Variants in ACOX3 observed in about 807,000 individuals in gnomAD.
ACOX3 encodes the protein peroxisomal acyl-coenzyme A oxidase 3.
Under a neutral mutation model 81.5 loss-of-function variants are expected in ACOX3, and 73 were observed. The ratio of observed to expected loss-of-function variants is 0.90; its 90% CI spans 0.74 to 1.09. The LOEUF is 1.09. Ranked by LOEUF, ACOX3 falls within the 50% of genes least tolerant of loss-of-function variation. ACOX3 has a pLI of 0.00. For missense variants in ACOX3, 947 were observed against 928.0 expected (o/e 1.02, Z -0.27); for synonymous variants, 387 against 375.1 (o/e 1.03, Z -0.37).
intron 17 of ACOX3, among the ~76,000 whole-genome samples, chr4:8,369,516 G>A (rs771997106): frequency 6.6e-6 from 1 of 152,132 alleles, no homozygotes; most frequent in African/African-American, 2.4e-5. Flanking sequence ...GTCAGTCCCC[G>A]ATGCAGGACA....
In ACOX3 at chr4:8,368,407, T is replaced by C. The variant is rs959966825; in HGVS notation, c.1984-1327A>G. Among the ~76,000 whole-genome samples the C allele has an allele frequency of 6.6e-6, 1 of 152,186 alleles. No homozygotes were observed. Among genetic ancestry groups the C allele is most frequent in the Non-Finnish European group, 1.5e-5 (1 of 68,028 alleles). ...GGGTGGAAAGGGGCAGCCCAGACCA[T>C]CTCCAGGGCCTGGGGAGGTGGTCTA... On this transcript the variant is annotated intron_variant, in intron 17 of 17. Transcript: ENST00000356406. The surrounding 1 kb of genome is among the most constrained non-coding windows in gnomAD (Gnocchi z 5.9).
At chr4:8,356,593 T>C in the ACOX3 span, 2 of 456,544 alleles carry the variant, frequency 4.4e-6, no homozygotes, top group African/African-American at 4.0e-5. Flanking sequence ...GAAGAAAGTG[T>C]GCAGAATGGT....
intron 11 of ACOX3, 44 bp downstream of exon 11, chr4:8,392,289 A>G (rs1358602910): frequency 7.1e-7 from 1 of 1,415,400 alleles, no homozygotes; most frequent in East Asian, 2.7e-5. Context: ...GTCAAACAGC[A>G]GGGCTAAGGA....
intron 14 of ACOX3, among the ~76,000 whole-genome samples, chr4:8,376,923 C>T (rs1717038205): frequency 6.6e-6 from 1 of 152,028 alleles, no homozygotes; most frequent in African/African-American, 2.4e-5. Flanking sequence ...CCCTCAGGCT[C>T]CCACCTGAGG....
Position 8,381,770 on chromosome 4 carries a change from C to T in ACOX3, c.1538-163G>A, listed in dbSNP as rs926008639. On this transcript the variant is annotated intron_variant, in intron 13 of 17. Transcript: ENST00000356406. The surrounding 1 kb of genome is among the most constrained non-coding windows in gnomAD (Gnocchi z 4.3). ...GGGTCTGATTTTATAGGTAGGGAAA[C>T]TGAAGCACAGGGAGGGCACCTGCCC... Among the ~76,000 whole-genome samples, 1 of 152,202 alleles carries T rather than the reference C, an allele frequency of 6.6e-6. No homozygotes were observed. Among genetic ancestry groups the T allele is most frequent in the African/African-American group, 2.4e-5 (1 of 41,458 alleles).
chr4:8,393,044 T>G (rs1181759197), intron 10 of ACOX3: 1 of 151,834 alleles, frequency 6.6e-6, no homozygotes, highest in Non-Finnish European at 1.5e-5. Context: ...TGAATGAGCC[T>G]GATCTCGTGA....
Position 8,410,336 on chromosome 4 carries a change from G to C in ACOX3, c.563C>G (p.Pro188Arg). 2.5e-6 allele frequency: 4 copies of C among 1,614,052 alleles called. No homozygotes were observed. The highest frequency in any genetic ancestry group is 2.5e-6 in the Non-Finnish European group (3 of 1,179,944). ...PATEEFIIHSPDFEAAKFWVG... is the reference protein window; with the variant it reads ...PATEEFIIHSRDFEAAKFWVG... ...CCAAAACTTGGCAGCTTCGAAATCAGGGGAATGTATGATGAATTCCTGCAC... is the reference window on the plus strand; with the variant it reads ...CCAAAACTTGGCAGCTTCGAAATCACGGGAATGTATGATGAATTCCTGCAC... The change falls in exon 6 of 18, where the codon CCT becomes CGT. Residue 188 changes from proline (P) to arginine (R), a missense_variant. Physicochemically the swap from Pro to Arg is moderately radical, Grantham distance 103 (BLOSUM62 -2). Coordinates refer to ENST00000356406, the MANE Select transcript of ACOX3 (RefSeq NM_003501.3).
Position 8,405,819 on chromosome 4 carries a change from G to A in ACOX3, c.776+136C>T, listed in dbSNP as rs1309118463. On this transcript the variant is annotated intron_variant, in intron 7 of 17. Transcript: ENST00000356406. The surrounding 1 kb of genome is among the most constrained non-coding windows in gnomAD (Gnocchi z 7.1). ...TGGCCAGTGCATGCACGGGGGCTAG[G>A]CGTAGGTCCCCACCGCATTTGAGTC... 1.1e-6 allele frequency: 1 copy of A among 886,332 alleles called. No individual in the cohort carries two copies. The highest frequency in any genetic ancestry group is 2.4e-5 in the East Asian group (1 of 41,432). 54.9% of individuals were successfully genotyped at this position (886,332 alleles called of 1,614,324 possible). A position where few individuals can be genotyped will look rare whatever the true frequency, so the allele number is the denominator to read the frequency against.
At chr4:8,391,031 G>GTGTATATGTATATGTATA (rs57021460) in intron 11 of ACOX3, among the ~76,000 whole-genome samples, 7,702 of 148,160 alleles carry the variant, frequency 0.052, 239 homozygotes, top group South Asian at 0.076. Context: ...GTATATGTAT[G>GTGTATATGTATATGTATA]TGTATATGTA....
intron 17 of ACOX3, among the ~76,000 whole-genome samples, chr4:8,369,127 C>A (rs1715837151): frequency 6.6e-6 from 1 of 152,188 alleles, no homozygotes; most frequent in South Asian, 2.1e-4. Flanking sequence ...ACGGGCCTGC[C>A]TCTGCAGAGC....
At chr4:8,356,954 G>A in the ACOX3 span, 2 of 454,682 alleles carry the variant, frequency 4.4e-6, no homozygotes, top group Admixed American at 2.4e-5. Flanking sequence ...AAGGTGAAGT[G>A]AGCAGAATGG....
chr4:8,435,315 C>A (rs1724165275), intron 1 of ACOX3, among the ~76,000 whole-genome samples: 1 of 152,046 alleles, frequency 6.6e-6, no homozygotes. Context: ...AGGGTGAAAC[C>A]CCATCTCTAC....
At chr4:8,380,079 TGGAA>T (rs1478645529) in intron 14 of ACOX3, among the ~76,000 whole-genome samples, 1 of 152,188 alleles carries the variant, frequency 6.6e-6, no homozygotes, top group Non-Finnish European at 1.5e-5. Flanking sequence ...CGGCCTGTTC[TGGAA>T]GGGTCACTTC....
In ACOX3 at chr4:8,410,225, G is replaced by A; in HGVS notation, c.674C>T (p.Pro225Leu). ...VPGDQCHGLH[P>L]FIVQIRDPKT... ...CCAGCGTCCTACCTGCACGATAAAG[G>A]GATGCAGCCCATGGCACTGGTCCCC... Residue 225 changes from proline (P) to leucine (L), a missense_variant, in exon 6 of 18, where the codon CCC becomes CTC. Physicochemically the swap from Pro to Leu is moderately conservative, Grantham distance 98 (BLOSUM62 -3). Transcript: ENST00000356406. The A allele has an allele frequency of 6.2e-7, 1 of 1,613,972 alleles. No individual in the cohort carries two copies. The highest frequency in any genetic ancestry group is 8.5e-7 in the Non-Finnish European group (1 of 1,179,898).
intron 7 of ACOX3, among the ~76,000 whole-genome samples, chr4:8,401,991 AC>A (rs35234746): frequency 2.0e-5 from 3 of 151,462 alleles, no homozygotes; most frequent in Non-Finnish European, 4.4e-5. Flanking sequence ...CCCGGGGCTC[AC>A]CCCCCTCCAT....
chr4:8,356,688 GC>G, the ACOX3 span: 1 of 456,032 alleles, frequency 2.2e-6, no homozygotes, highest in Non-Finnish European at 4.4e-6. Flanking sequence ...GTGAGGGGAA[GC>G]AAGTATGCAG....
chr4:8,399,435 A>G lies in ACOX3; in HGVS notation c.873+121T>C. 1.2e-6 allele frequency: 1 copy of G among 820,384 alleles called. No homozygotes were observed. Among genetic ancestry groups the G allele is most frequent in the Non-Finnish European group, 2.0e-6 (1 of 512,592 alleles). The allele number at this position is 820,384 out of a possible 1,614,324, so 50.8% of individuals were successfully genotyped here. On this transcript the variant is annotated intron_variant, in intron 8 of 17. Coordinates refer to ENST00000356406, the MANE Select transcript of ACOX3 (RefSeq NM_003501.3). The surrounding 1 kb of genome is among the most constrained non-coding windows in gnomAD (Gnocchi z 4.9). Reference sequence around the variant, plus strand: ...ACCCGAGCCAGGAGAAGTATGCCCCAGCGACACCTGGCCTACGTGGAGGGG... The same window carrying G: ...ACCCGAGCCAGGAGAAGTATGCCCCGGCGACACCTGGCCTACGTGGAGGGG...
chr4:8,377,221 G>A (rs571010223), intron 14 of ACOX3, among the ~76,000 whole-genome samples: 6 of 152,298 alleles, frequency 3.9e-5, no homozygotes, highest in Admixed American at 6.5e-5. Context: ...CAGAGAGGCC[G>A]TCCTTGAACC....
rs1278976475 is a variant in ACOX3, at chr4:8,389,848, T to C, written c.1301-114A>G. ...GGCTGGGTGCGGTGGCTCACACCTG[T>C]AATGGCAGCACTTTGGGGGGCCGAG... is the stretch of plus-strand genomic sequence containing the variant. On this transcript the variant is annotated intron_variant, in intron 11 of 17. Transcript: ENST00000356406. This position sits in a 1 kb window ranked among gnomAD's most constrained non-coding sequence, Gnocchi z 5.3. 5 of 1,401,468 alleles carry C rather than the reference T, an allele frequency of 3.6e-6. No individual in the cohort carries two copies. The highest frequency in any genetic ancestry group is 1.4e-5 in the African/African-American group (1 of 70,294). The allele number at this position is 1,401,468 out of a possible 1,614,324, so 86.8% of individuals were successfully genotyped here. A position where few individuals can be genotyped will look rare whatever the true frequency, so the allele number is the denominator to read the frequency against.
Sources: gnomAD v4.1 joint callset for allele counts (sites outside exome capture counted in the v4.1 genomes callset) on GRCh38, gnomAD v4.1.1 for gene constraint, Gnocchi (gnomAD v3.1) non-coding constraint, MANE v1.5 for transcripts, NCBI Gene and HGNC (gene_info 2026-07-23, HGNC 2026-07-21) for gene names.